FOCAD: variants seen among roughly 807,000 people sequenced by gnomAD.
The protein encoded by FOCAD is focadhesin.
Under a neutral mutation model 225.6 loss-of-function variants are expected in FOCAD, and 198 were observed. The ratio of observed to expected loss-of-function variants is 0.88; its 90% confidence interval spans 0.78 to 0.99. The LOEUF is 0.99. Ranked by LOEUF, FOCAD falls within the 50% of genes least tolerant of loss-of-function variation. The pLI, the probability that FOCAD is intolerant of heterozygous loss-of-function variation, is 0.00. For missense variants in FOCAD, 2,713 were observed against 2,123.6 expected (o/e 1.28, Z -5.46); for synonymous variants, 897 against 755.0 (o/e 1.19, Z -3.08).
At chr9:20,841,310 C>A (rs1298698566) in intron 15 of FOCAD, among the ~76,000 whole-genome samples, 2 of 151,188 alleles carry the variant, frequency 1.3e-5, no homozygotes, top group Non-Finnish European at 1.5e-5. Context: ...GATTTTAGTT[C>A]TTCTATAAAT....
chr9:20,699,881 A>C (rs1033609577), intron 1 of FOCAD, among the ~76,000 whole-genome samples: 3 of 141,520 alleles, frequency 2.1e-5, no homozygotes, highest in Admixed American at 7.3e-5. Context: ...TGTTTAAATA[A>C]AATTCTTAAA....
chr9:20,858,796 A>T (rs541443406), intron 15 of FOCAD, among the ~76,000 whole-genome samples: 6 of 151,470 alleles, frequency 4.0e-5, no homozygotes, highest in African/African-American at 1.5e-4. Flanking sequence ...TGTGTTCTTC[A>T]TTTGTTTCAA....
chr9:20,801,805 G>A (rs187321950), intron 11 of FOCAD, among the ~76,000 whole-genome samples: 3 of 152,118 alleles, frequency 2.0e-5, no homozygotes, highest in African/African-American at 4.8e-5. Flanking sequence ...ATGCTGCTAC[G>A]TGATAGCTGT....
At chr9:20,907,886 CT>C in intron 22 of FOCAD, among the ~76,000 whole-genome samples, 1 of 152,092 alleles carries the variant, frequency 6.6e-6, no homozygotes, top group African/African-American at 2.4e-5. Flanking sequence ...CTGAGCTTTC[CT>C]TTTTGAAGCC....
intron 15 of FOCAD, among the ~76,000 whole-genome samples, chr9:20,855,066 T>A (rs1354565509): frequency 6.6e-6 from 1 of 151,778 alleles, no homozygotes; most frequent in Non-Finnish European, 1.5e-5. Context: ...AAAAATGTTA[T>A]ATCTGGAAGA....
intron 17 of FOCAD, among the ~76,000 whole-genome samples, chr9:20,866,380 T>C (rs1386212317): frequency 6.6e-6 from 1 of 152,052 alleles, no homozygotes; most frequent in Non-Finnish European, 1.5e-5. Flanking sequence ...ATGTTATACC[T>C]AACTCATGGA....
At chr9:20,959,929 A>T (rs1564206135) in intron 35 of FOCAD, among the ~76,000 whole-genome samples, 1 of 152,226 alleles carries the variant, frequency 6.6e-6, no homozygotes, top group Non-Finnish European at 1.5e-5. Context: ...AAACAATCTC[A>T]AACATAAAAA....
chr9:20,866,917 T>TTTTTAAAAA lies in FOCAD; in HGVS notation c.2107-12_2107-11insTTTTAAAAA. 2 of 764,970 alleles carry TTTTTAAAAA rather than the reference T, an allele frequency of 2.6e-6. No homozygotes were observed. The highest frequency in any genetic ancestry group is 4.0e-6 in the Non-Finnish European group (2 of 498,466). 47.4% of individuals were successfully genotyped at this position (764,970 alleles called of 1,614,324 possible). A position where few individuals can be genotyped will look rare whatever the true frequency, so the allele number is the denominator to read the frequency against. ...TTTTTTTTTTTTTTTTTTTTTTTTT[T>TTTTTAAAAA]ACCCTATCTAGGACCCAATTGTAGC... is the stretch of plus-strand genomic sequence containing the variant. On this transcript the variant is annotated splice_polypyrimidine_tract_variant and intron_variant, in intron 17 of 43. Coordinates refer to ENST00000338382, the MANE Select transcript of FOCAD (RefSeq NM_001375567.1).
chr9:20,789,284 C>T, intron 10 of FOCAD, 67 bp from the exon 11 acceptor site: 1 of 1,537,482 alleles, frequency 6.5e-7, no homozygotes, highest in East Asian at 2.3e-5. Flanking sequence ...ATAAGAATGC[C>T]AGAAACATAT....
chr9:20,781,840 G>C lies in FOCAD; in HGVS notation c.1108G>C (p.Val370Leu), dbSNP rs1023478461. The C allele has an allele frequency of 6.2e-7, 1 of 1,614,154 alleles. No individual in the cohort carries two copies. The highest frequency in any genetic ancestry group is 1.3e-5 in the African/African-American group (1 of 75,042). Residue 370 changes from valine to leucine, a missense_variant, in exon 10 of 44, where the codon GTG (valine) becomes CTG (leucine). Coordinates refer to ENST00000338382, the MANE Select transcript of FOCAD (RefSeq NM_001375567.1). ...TACTGCCTTGGAAGACTGTATATCT[G>C]TGGATGAAGAAGGTCCCTCTAGGCA... ...SSTALEDCIS[V>L]DEEGPSRQQL... is the part of the protein sequence containing the mutation.
At chr9:20,693,859 T>C (rs1332339639) in intron 1 of FOCAD, among the ~76,000 whole-genome samples, 8 of 152,188 alleles carry the variant, frequency 5.3e-5, no homozygotes, top group African/African-American at 1.9e-4. Flanking sequence ...TACAGGTGCG[T>C]GCTTCCACGC....
At chr9:20,951,902 C>T (rs2132383620) in intron 34 of FOCAD, among the ~76,000 whole-genome samples, 1 of 152,246 alleles carries the variant, frequency 6.6e-6, no homozygotes. Flanking sequence ...GTTTTACTTA[C>T]CCACTGACAA....
At chr9:20,781,012 C>A (rs912341826) in intron 9 of FOCAD, among the ~76,000 whole-genome samples, 1 of 152,082 alleles carries the variant, frequency 6.6e-6, no homozygotes, top group Non-Finnish European at 1.5e-5. Flanking sequence ...GATAATTTAA[C>A]GTTGAATCCC....
intron 15 of FOCAD, among the ~76,000 whole-genome samples, chr9:20,830,818 A>G (rs1377591368): frequency 1.3e-5 from 2 of 151,994 alleles, no homozygotes; most frequent in African/African-American, 4.8e-5. Context: ...CTGGGACTAC[A>G]GGTGCATGCC....
chr9:20,894,600 GAT>G (rs1205381111), intron 21 of FOCAD, among the ~76,000 whole-genome samples: 1 of 152,062 alleles, frequency 6.6e-6, no homozygotes, highest in African/African-American at 2.4e-5. Flanking sequence ...GCATATCCCT[GAT>G]ATGTGAAGCA....
chr9:20,881,373 T>TA, intron 19 of FOCAD, among the ~76,000 whole-genome samples: 1 of 152,294 alleles, frequency 6.6e-6, no homozygotes, highest in Middle Eastern at 3.4e-3. Flanking sequence ...AAGGTCTTGA[T>TA]CATGGTCAGA....
At chr9:20,666,972 CA>C (rs748961281) in intron 2 of FOCAD, among the ~76,000 whole-genome samples, 1 of 151,878 alleles carries the variant, frequency 6.6e-6, no homozygotes, top group East Asian at 1.9e-4. Flanking sequence ...AACAAACAAA[CA>C]AAAAAACCCA....
chr9:20,731,983 G>A (rs1826753713), intron 4 of FOCAD, among the ~76,000 whole-genome samples: 1 of 152,126 alleles, frequency 6.6e-6, no homozygotes. Context: ...GGATACATGT[G>A]CAAGATGTGC....
At chr9:20,668,322 G>C (rs1821955470) in intron 2 of FOCAD, among the ~76,000 whole-genome samples, 1 of 152,090 alleles carries the variant, frequency 6.6e-6, no homozygotes, top group Non-Finnish European at 1.5e-5. Flanking sequence ...GCAAAGTGAA[G>C]GACATCCTCT....
Sources: gnomAD v4.1 joint callset for allele counts (sites outside exome capture counted in the v4.1 genomes callset) on GRCh38, gnomAD v4.1.1 for gene constraint, MANE v1.5 for transcripts, NCBI Gene and HGNC (gene_info 2026-07-23, HGNC 2026-07-21) for gene names.